Variants in SORCS2 observed in about 807,000 individuals in gnomAD.
The protein encoded by SORCS2 is VPS10 domain-containing receptor SorCS2.
A neutral mutation model predicts 141.6 loss-of-function variants in SORCS2; 100 were observed. The ratio of observed to expected loss-of-function variants is 0.71; its 90% CI spans 0.60 to 0.83. The LOEUF (loss-of-function observed/expected upper bound fraction) is 0.83. SORCS2 is among the 40% of genes least tolerant of loss of function. The probability of loss-of-function intolerance (pLI) is 0.00; values close to 1 mark genes in which losing one functional copy is unlikely to be tolerated. For synonymous variants in SORCS2, 789 were observed against 676.9 expected, an observed-to-expected ratio of 1.17 and a Z score of -2.57; for missense variants, 1,646 against 1,560.2, an observed-to-expected ratio of 1.05 and a Z score of -0.93.
intron 15 of SORCS2, among the ~76,000 whole-genome samples, chr4:7,713,443 G>C (rs1205190510): frequency 1.3e-5 from 2 of 152,124 alleles, no homozygotes. Flanking sequence ...AATGGTACTT[G>C]TTAAAGCGCG....
Position 7,305,125 on chromosome 4 carries a change from G to A in SORCS2, c.481-91163G>A, listed in dbSNP as rs532712768. On this transcript the variant is annotated intron_variant, in intron 1 of 26. Coordinates refer to ENST00000507866, the MANE Select transcript of SORCS2 (RefSeq NM_020777.3). ...CAGCTCACTGCAAGCTCCGCCTCCC[G>A]GGTTCGTGCCATTCTCCTGCCTCAG... 3.0e-4 allele frequency among the ~76,000 whole-genome samples: 45 copies of A among 150,954 alleles called. No homozygotes were observed. In the East Asian group the frequency reaches 4.1e-3, roughly 14 times the overall value.
chr4:7,393,811 C>G (rs940556965), intron 1 of SORCS2, among the ~76,000 whole-genome samples: 1 of 152,158 alleles, frequency 6.6e-6, no homozygotes, highest in East Asian at 1.9e-4. Flanking sequence ...AATATTTAAT[C>G]GTCACCGTGG....
At chr4:7,258,039 G>T (rs1191338455) in intron 1 of SORCS2, among the ~76,000 whole-genome samples, 1 of 152,242 alleles carries the variant, frequency 6.6e-6, no homozygotes, top group African/African-American at 2.4e-5. Context: ...TCCTCCTTCA[G>T]TGTTGGGGGA....
At chr4:7,724,438 GTGACA>G in intron 19 of SORCS2, among the ~76,000 whole-genome samples, 1 of 123,042 alleles carries the variant, frequency 8.1e-6, no homozygotes, top group African/African-American at 3.3e-5. Context: ...GGTGATAATG[GTGACA>G]ATGGTGGTGG....
In SORCS2 at chr4:7,741,904, G is replaced by T. The variant is rs1712707176; in HGVS notation, c.*1640G>T. 1 of 152,222 alleles carries T rather than the reference G, an allele frequency of 6.6e-6. No individual in the cohort carries two copies. Among genetic ancestry groups the T allele is most frequent in the African/African-American group, 2.4e-5 (1 of 41,430 alleles). 9.4% of individuals were successfully genotyped at this position (152,222 alleles called of 1,614,324 possible). On this transcript the variant is annotated 3_prime_UTR_variant, in exon 27 of 27. Transcript: ENST00000507866. The stretch of plus-strand genomic sequence containing the variant: ...CCAAACAGTGCCCGGTGGGGAGGAG[G>T]CACCCGCTCCTTGTTGAGTAAAACC...
At chr4:7,726,972 AT>A in intron 21 of SORCS2, 69 bp downstream of exon 21, 1 of 1,460,638 alleles carries the variant, frequency 6.8e-7, no homozygotes, top group Non-Finnish European at 9.2e-7. Flanking sequence ...GCCAGGCCAC[AT>A]GGGTCGCGTA....
chr4:7,414,367 G>A (rs1238923892), intron 2 of SORCS2, among the ~76,000 whole-genome samples: 1 of 152,212 alleles, frequency 6.6e-6, no homozygotes, highest in East Asian at 1.9e-4. Flanking sequence ...TCTGAGGGAT[G>A]AATAGAAGTT....
At chr4:7,472,457 G>A (rs1162809718) in intron 2 of SORCS2, among the ~76,000 whole-genome samples, 1 of 152,128 alleles carries the variant, frequency 6.6e-6, no homozygotes, top group African/African-American at 2.4e-5. Context: ...AGCTGGTCAG[G>A]GACAGGCACT....
At chr4:7,616,034 C>G (rs1023505566) in intron 3 of SORCS2, among the ~76,000 whole-genome samples, 4 of 152,182 alleles carry the variant, frequency 2.6e-5, no homozygotes, top group African/African-American at 9.7e-5. Flanking sequence ...ATTGGAAATT[C>G]AAATATAACT....
At chr4:7,405,525 G>C (rs1266694765) in intron 2 of SORCS2, among the ~76,000 whole-genome samples, 1 of 151,944 alleles carries the variant, frequency 6.6e-6, no homozygotes, top group African/African-American at 2.4e-5. Flanking sequence ...CAATTTCTAA[G>C]GAGGCGTTTG....
intron 1 of SORCS2, among the ~76,000 whole-genome samples, chr4:7,195,553 G>A (rs933951662): frequency 3.0e-4 from 46 of 152,330 alleles, no homozygotes; most frequent in African/African-American, 1.0e-3. Context: ...AGGCGAGGCT[G>A]CAGGAGTTTG....
chr4:7,212,779 C>T (rs1050427869), intron 1 of SORCS2, among the ~76,000 whole-genome samples: 6 of 152,238 alleles, frequency 3.9e-5, no homozygotes, highest in African/African-American at 9.6e-5. Context: ...GCAGCCAGGG[C>T]GAGGAGTTTC....
chr4:7,661,234 A>C (rs1384534854), intron 5 of SORCS2, among the ~76,000 whole-genome samples: 1 of 127,102 alleles, frequency 7.9e-6, no homozygotes, highest in Non-Finnish European at 1.7e-5. Context: ...AGCTCACGTA[A>C]GGAAGATGCA....
intron 2 of SORCS2, among the ~76,000 whole-genome samples, chr4:7,441,618 C>T (rs1390198152): frequency 1.3e-5 from 2 of 151,912 alleles, no homozygotes; most frequent in African/African-American, 4.8e-5. Context: ...TCATCATCCA[C>T]CCCTTCCTCC....
intron 1 of SORCS2, among the ~76,000 whole-genome samples, chr4:7,371,944 C>T (rs1560227004): frequency 6.6e-6 from 1 of 152,196 alleles, no homozygotes; most frequent in Non-Finnish European, 1.5e-5. Context: ...TGGCAGGAAG[C>T]TCGTGGGGCC....
chr4:7,521,227 G>A lies in SORCS2; in HGVS notation c.549-10303G>A, dbSNP rs560709935. Among the ~76,000 whole-genome samples, 61 of 152,210 alleles carry A rather than the reference G, an allele frequency of 4.0e-4. No homozygotes were observed. The South Asian group carries it at 0.012, about 31-fold the overall frequency. Reference sequence around the variant, plus strand: ...CCCCAAACAGCTTTCGTGCTGAAGGGCATCCTGCTCTCTCCCTGTATCTCT... The same window carrying A: ...CCCCAAACAGCTTTCGTGCTGAAGGACATCCTGCTCTCTCCCTGTATCTCT... On this transcript the variant is annotated intron_variant, in intron 2 of 26. Coordinates refer to ENST00000507866, the MANE Select transcript of SORCS2 (RefSeq NM_020777.3).
intron 2 of SORCS2, among the ~76,000 whole-genome samples, chr4:7,517,996 T>G (rs1270955879): frequency 6.6e-6 from 1 of 152,212 alleles, no homozygotes; most frequent in Admixed American, 6.5e-5. Flanking sequence ...CTGAGTATTT[T>G]GTGATAAAAT....
At chr4:7,358,861 C>T (rs773721641) in intron 1 of SORCS2, among the ~76,000 whole-genome samples, 2 of 152,162 alleles carry the variant, frequency 1.3e-5, no homozygotes, top group Non-Finnish European at 2.9e-5. Flanking sequence ...CTTTTAGAGA[C>T]AGGGTTTCAC....
At chr4:7,520,394 G>C (rs774138884) in intron 2 of SORCS2, among the ~76,000 whole-genome samples, 12 of 152,214 alleles carry the variant, frequency 7.9e-5, no homozygotes, top group Non-Finnish European at 1.6e-4. Context: ...CCGTGGGTCA[G>C]GTCCGAGGTC....
Sources: allele counts gnomAD v4.1 joint callset (sites outside exome capture counted in the v4.1 genomes callset), GRCh38; gene constraint gnomAD v4.1.1; transcripts MANE v1.5; gene names NCBI Gene and HGNC (gene_info 2026-07-23, HGNC 2026-07-21).